Variants in YBX3 observed in about 807,000 individuals in gnomAD.
The protein encoded by YBX3 is Y-box binding protein 3, also known as Y-box-binding protein 3.
YBX3 carries 29 observed loss-of-function variants against 42.4 expected under a neutral mutation model. The observed-to-expected ratio is 0.68, with a 90% CI of 0.51 to 0.93. YBX3 has a LOEUF of 0.93. Among genes scored for constraint, YBX3 ranks in the 40% least tolerant of loss-of-function variants. The pLI, the probability that YBX3 is intolerant of heterozygous loss-of-function variation, is 0.00. For missense variants in YBX3, 517 were observed against 527.5 expected (o/e 0.98, Z 0.19); for synonymous variants, 195 against 189.8 (o/e 1.03, Z -0.22).
chr12:10,704,267 T>G, intron 6 of YBX3, 119 bp from the exon 7 acceptor site: 1 of 715,276 alleles, frequency 1.4e-6, no homozygotes, highest in Non-Finnish European at 2.3e-6. Flanking sequence ...ATTACAAAAT[T>G]AGGCACTCTC....
chr12:10,712,193 T>A (rs1374533854), intron 5 of YBX3: 1 of 152,000 alleles, frequency 6.6e-6, no homozygotes, highest in Non-Finnish European at 1.5e-5. Context: ...TTCTGATGAG[T>A]TTTTCTTTGG....
chr12:10,713,970 CAAG>C (rs1474681689), intron 4 of YBX3, among the ~76,000 whole-genome samples: 2 of 152,164 alleles, frequency 1.3e-5, no homozygotes, highest in African/African-American at 4.8e-5. Flanking sequence ...AAATGTAGAC[CAAG>C]AAGATTTCAG....
At chr12:10,722,670 AG>A (rs1476017343) in intron 1 of YBX3, among the ~76,000 whole-genome samples, 179 bp downstream of exon 1, 1 of 152,276 alleles carries the variant, frequency 6.6e-6, no homozygotes, top group East Asian at 1.9e-4. Context: ...AGCGCCGGCA[AG>A]GGAGGCGGCC....
At chr12:10,721,370 T>A (rs1021726503) in intron 1 of YBX3, among the ~76,000 whole-genome samples, 4 of 152,194 alleles carry the variant, frequency 2.6e-5, no homozygotes, top group Non-Finnish European at 5.9e-5. Flanking sequence ...CAGTACAGGA[T>A]TAAGTGAAAA....
At position 10,703,657 on chromosome 12, in the gene YBX3, T is replaced by C. The variant is rs948747946; in HGVS notation, c.878+394A>G. The stretch of plus-strand genomic sequence containing the variant: ...AAGATAAATTCAGGCGATTTGATCA[T>C]ACCCTGATTTAACCCCTCTACTGGA... On this transcript the variant is annotated intron_variant, in intron 7 of 9. Coordinates refer to ENST00000228251, the MANE Select transcript of YBX3 (RefSeq NM_003651.5). 6 of 364,552 alleles carry C rather than the reference T, an allele frequency of 1.6e-5. No individual in the cohort carries two copies. The East Asian group carries it at 4.2e-4, about 26-fold the overall frequency. 22.6% of individuals were successfully genotyped at this position (364,552 alleles called of 1,614,324 possible).
intron 6 of YBX3, among the ~76,000 whole-genome samples, chr12:10,706,748 T>C (rs1369374604): frequency 6.6e-6 from 1 of 152,168 alleles, no homozygotes; most frequent in Non-Finnish European, 1.5e-5. Context: ...CCAGGAGCGG[T>C]GGCTCACGCC....
chr12:10,721,013 C>CT (rs1429897462), intron 1 of YBX3: 2 of 152,154 alleles, frequency 1.3e-5, no homozygotes, highest in Non-Finnish European at 2.9e-5. Flanking sequence ...CTCATGAAAA[C>CT]TATTTTTCCT....
At chr12:10,720,262 G>GT (rs769078370) in intron 1 of YBX3, among the ~76,000 whole-genome samples, 2 of 152,172 alleles carry the variant, frequency 1.3e-5, no homozygotes, top group African/African-American at 2.4e-5. Flanking sequence ...AACTAAAATA[G>GT]TAATTAAGAC....
At position 10,723,239 on chromosome 12, in the gene YBX3, C is replaced by A; in HGVS notation, c.-128G>T. 1 of 1,166,824 alleles carries A rather than the reference C, an allele frequency of 8.6e-7. No homozygotes were observed. The highest frequency in any genetic ancestry group is 1.1e-6 in the Non-Finnish European group (1 of 945,746). The allele number at this position is 1,166,824 out of a possible 1,614,324, so 72.3% of individuals were successfully genotyped here. A position where few individuals can be genotyped will look rare whatever the true frequency, so the allele number is the denominator to read the frequency against. ...GGGGCGGATCTCGCGGCGCAGGCGG[C>A]GGCGGCCGAGGTGGGGTCGCGCGGC... is the stretch of plus-strand genomic sequence containing the variant. On this transcript the variant is annotated 5_prime_UTR_variant, in exon 1 of 10. Transcript: ENST00000228251.
intron 1 of YBX3, chr12:10,721,801 T>C (rs772032755): frequency 6.6e-6 from 1 of 151,956 alleles, no homozygotes; most frequent in Non-Finnish European, 1.5e-5. Context: ...TCCTACACCA[T>C]CTGTTAACGT....
At position 10,702,004 on chromosome 12, in the gene YBX3, G is replaced by A. The variant is rs563667692; in HGVS notation, c.1009C>T (p.Arg337Cys). 51 of 1,613,972 alleles carry A rather than the reference G, an allele frequency of 3.2e-5. No homozygotes were observed. In the East Asian group the frequency reaches 4.5e-4, roughly 14 times the overall value. The change falls in exon 8 of 10, where the codon CGT (arginine) becomes TGT (cysteine). Residue 337 changes from arginine (R) to cysteine (C), a missense_variant. Physicochemically the swap from Arg to Cys is radical, Grantham distance 180. Coordinates refer to ENST00000228251, the MANE Select transcript of YBX3 (RefSeq NM_003651.5). ...RGYRRPYNYR[R>C]RPRPPNAPSQ... ...GGAGCGTTAGGAGGACGCGGGCGAC[G>A]CCGGTAATTGTAGGGACGCCGGTAT...
intron 6 of YBX3, among the ~76,000 whole-genome samples, chr12:10,707,793 T>G (rs1228505694): frequency 6.6e-6 from 1 of 152,202 alleles, no homozygotes; most frequent in Non-Finnish European, 1.5e-5. Flanking sequence ...CCCCATCACA[T>G]GAGCCTCTCT....
intron 2 of YBX3, 68 bp downstream of exon 2, chr12:10,719,012 G>T: frequency 6.9e-7 from 1 of 1,455,730 alleles, no homozygotes; most frequent in South Asian, 1.2e-5. Context: ...AAGGCTAAGG[G>T]ATTTATAACT....
intron 1 of YBX3, 78 bp downstream of exon 1, chr12:10,722,772 C>G: frequency 8.1e-7 from 1 of 1,233,196 alleles, no homozygotes; most frequent in Non-Finnish European, 1.0e-6. Flanking sequence ...AGATGTAGCG[C>G]GAGCTGCCCA....
rs1164522035 is a variant in YBX3, at chr12:10,704,112, C to G, written c.817G>C (p.Glu273Gln). 2 of 1,614,098 alleles carry G rather than the reference C, an allele frequency of 1.2e-6. No homozygotes were observed. The highest frequency in any genetic ancestry group is 1.7e-6 in the Non-Finnish European group (2 of 1,180,058). ...EIGEMKDGVP[E>Q]GAQLQGPVHR... The stretch of plus-strand genomic sequence containing the variant: ...ACCGGTCCCTGAAGTTGTGCTCCCT[C>G]TGGGACTCCATCCTTCATCTCTCCA... Residue 273 changes from glutamate to glutamine, a missense_variant, in exon 7 of 10, where the codon GAG (glutamate) becomes CAG (glutamine). Glu to Gln is a conservative substitution (Grantham distance 29, BLOSUM62 2). This residue lies in a region of YBX3 where 420 missense variants were observed against 408.5 expected (regional missense o/e 1.03). Coordinates refer to ENST00000228251, the MANE Select transcript of YBX3 (RefSeq NM_003651.5).
chr12:10,710,685 T>C, intron 5 of YBX3: 1 of 788,784 alleles, frequency 1.3e-6, no homozygotes, highest in Non-Finnish European at 1.9e-6. Flanking sequence ...AAGTATATGG[T>C]GGGGTCTCCC....
chr12:10,712,507 C>T (rs1948210958), intron 5 of YBX3: 1 of 152,200 alleles, frequency 6.6e-6, no homozygotes, highest in Non-Finnish European at 1.5e-5. Context: ...AAATGCTATG[C>T]TAAATAAAAC....
chr12:10,714,064 T>C (rs565424983), intron 4 of YBX3, among the ~76,000 whole-genome samples: 3 of 152,288 alleles, frequency 2.0e-5, no homozygotes, highest in African/African-American at 4.8e-5. Flanking sequence ...CCCAAAACAA[T>C]TTTTTAAAAA....
intron 1 of YBX3, among the ~76,000 whole-genome samples, chr12:10,719,872 C>A (rs1268569724): frequency 6.6e-6 from 1 of 152,190 alleles, no homozygotes; most frequent in African/African-American, 2.4e-5. Flanking sequence ...ACCTCATGAG[C>A]AGGACCACTT....
Sources: gnomAD v4.1 joint callset for allele counts (sites outside exome capture counted in the v4.1 genomes callset) on GRCh38, gnomAD v4.1.1 for gene constraint, gnomAD v4.1.1 regional missense constraint, MANE v1.5 for transcripts, NCBI Gene and HGNC (gene_info 2026-07-23, HGNC 2026-07-21) for gene names.